MSR1: variants seen among roughly 807,000 people sequenced by gnomAD.
MSR1 encodes the protein macrophage scavenger receptor types I and II.
MSR1 carries 53 observed loss-of-function variants against 47.2 expected under a neutral mutation model. That is an observed-to-expected ratio of 1.12 (90% CI 0.90 to 1.41). MSR1 has a LOEUF of 1.41. Among genes scored for constraint, MSR1 ranks in the 40% most tolerant of loss-of-function variants. MSR1 has a pLI of 0.00. For missense variants in MSR1, 786 were observed against 546.9 expected, an observed-to-expected ratio of 1.44 and a Z score of -4.36; for synonymous variants, 239 against 185.6, an observed-to-expected ratio of 1.29 and a Z score of -2.34.
At chr8:16,185,805 CGTA>C (rs1462523183) in intron 1 of MSR1, among the ~76,000 whole-genome samples, 1 of 146,058 alleles carries the variant, frequency 6.8e-6, no homozygotes, top group African/African-American at 2.5e-5. Context: ...AACAAAGAAT[CGTA>C]GGGAAAAAGT....
At position 16,186,301 on chromosome 8, in the gene MSR1, T is replaced by G; in HGVS notation, c.-5+6297A>C. 5 of 1,082,178 alleles carry G rather than the reference T, an allele frequency of 4.6e-6. No individual in the cohort carries two copies. The South Asian group carries it at 7.0e-5, about 15-fold the overall frequency. The allele number at this position is 1,082,178 out of a possible 1,614,324, so 67.0% of individuals were successfully genotyped here. On this transcript the variant is annotated intron_variant, in intron 1 of 9. Transcript: ENST00000262101. ...CCAGGGTCCAGTTTCTGTTCTGTTT[T>G]CTCTCCTATTTTCACTCCCTTGGTG...
intron 8 of MSR1, among the ~76,000 whole-genome samples, chr8:16,142,576 C>G (rs764473908): frequency 6.2e-4 from 95 of 152,216 alleles, no homozygotes; most frequent in Non-Finnish European, 1.2e-3. Context: ...CAACCATGCC[C>G]TACTTTGTCT....
chr8:16,165,417 T>C (rs958951997), intron 4 of MSR1, among the ~76,000 whole-genome samples: 3 of 152,146 alleles, frequency 2.0e-5, no homozygotes, highest in African/African-American at 7.2e-5. Context: ...TAATGTTTAT[T>C]AATTTTTCTT....
intron 4 of MSR1, among the ~76,000 whole-genome samples, chr8:16,166,953 A>T (rs957262983): frequency 6.6e-6 from 1 of 152,034 alleles, no homozygotes; most frequent in South Asian, 2.1e-4. Flanking sequence ...ACACACACAC[A>T]CACACACACA....
At chr8:16,177,729 G>C (rs749285884) in intron 2 of MSR1, among the ~76,000 whole-genome samples, 157 bp downstream of exon 2, 5 of 151,982 alleles carry the variant, frequency 3.3e-5, no homozygotes, top group Non-Finnish European at 7.4e-5. Flanking sequence ...TTTTATTTAA[G>C]CTTATTTTTA....
intron 1 of MSR1, chr8:16,186,038 T>A: frequency 2.4e-6 from 2 of 839,882 alleles, no homozygotes; most frequent in East Asian, 2.7e-5. Flanking sequence ...ACCTGCCACA[T>A]AGAATTTAAG....
chr8:16,152,569 C>T (rs1410463087), intron 6 of MSR1, among the ~76,000 whole-genome samples: 1 of 152,062 alleles, frequency 6.6e-6, no homozygotes, highest in Non-Finnish European at 1.5e-5. Flanking sequence ...CTTCAGTTCT[C>T]TCGAGGGCAT....
At chr8:16,158,930 A>T (rs1248766885) in intron 5 of MSR1, among the ~76,000 whole-genome samples, 79 of 107,758 alleles carry the variant, frequency 7.3e-4, no homozygotes, top group East Asian at 1.1e-3. Context: ...CCTTTGGTTA[A>T]TTTTTTTTTT....
chr8:16,168,811 T>C lies in MSR1; in HGVS notation c.277A>G (p.Ile93Val), dbSNP rs780725414. 4.3e-6 allele frequency: 7 copies of C among 1,613,940 alleles called. No homozygotes were observed. Among genetic ancestry groups the C allele is most frequent in the African/African-American group, 2.7e-5 (2 of 74,950 alleles). ...CCTTTTCCCGTGAGACTTTGAGTTA[T>C]ATCATTTGCATTAGTTGAACTAACT... ...CSVSSTNAND[I>V]TQSLTGKGND... Residue 93 changes from isoleucine (I) to valine (V), a missense_variant, in exon 4 of 10, where the codon ATA becomes GTA. Coordinates refer to ENST00000262101, the MANE Select transcript of MSR1 (RefSeq NM_138715.3).
chr8:16,150,179 T>C, intron 7 of MSR1, 52 bp downstream of exon 7: 1 of 441,868 alleles, frequency 2.3e-6, no homozygotes, highest in Non-Finnish European at 3.8e-6. Context: ...TATAAAATTA[T>C]CTGGTGTTTC....
chr8:16,122,843 C>CTTTTTTTTT (rs35560221), intron 8 of MSR1, among the ~76,000 whole-genome samples: 9 of 65,598 alleles, frequency 1.4e-4, no homozygotes, highest in East Asian at 4.7e-4. Context: ...TATTCAAATT[C>CTTTTTTTTT]TTTTTTTTTT....
At chr8:16,138,737 A>AG (rs1800452190) in intron 8 of MSR1, among the ~76,000 whole-genome samples, 1 of 152,256 alleles carries the variant, frequency 6.6e-6, no homozygotes, top group South Asian at 2.1e-4. Flanking sequence ...ACCAAGGAAA[A>AG]GGAGTTACAA....
chr8:16,139,029 G>A (rs898618615), intron 8 of MSR1, among the ~76,000 whole-genome samples: 1 of 152,086 alleles, frequency 6.6e-6, no homozygotes, highest in Non-Finnish European at 1.5e-5. Context: ...GACACCTTCT[G>A]CCCTCCGGCG....
intron 1 of MSR1, chr8:16,186,237 TTCC>T (rs1161770169): frequency 6.6e-6 from 10 of 1,524,804 alleles, no homozygotes; most frequent in African/African-American, 1.4e-5. Context: ...TTTCTGGGTA[TTCC>T]TCCTCATCTC....
At chr8:16,172,650 G>T (rs781539755) in intron 3 of MSR1, among the ~76,000 whole-genome samples, 4 of 151,890 alleles carry the variant, frequency 2.6e-5, no homozygotes, top group Non-Finnish European at 4.4e-5. Flanking sequence ...TTCAGCTAAA[G>T]AATTTTTAGT....
intron 5 of MSR1, among the ~76,000 whole-genome samples, chr8:16,161,139 T>A (rs1051762055): frequency 1.3e-5 from 2 of 150,626 alleles, no homozygotes; most frequent in African/African-American, 4.9e-5. Context: ...GTTGCTTGAA[T>A]TAGAGTAGTA....
At chr8:16,138,156 T>G (rs1358375297) in intron 8 of MSR1, among the ~76,000 whole-genome samples, 1 of 152,184 alleles carries the variant, frequency 6.6e-6, no homozygotes, top group Non-Finnish European at 1.5e-5. Context: ...GTTTGAGTTT[T>G]AGATAGGATA....
At chr8:16,179,747 G>A (rs1434322358) in intron 1 of MSR1, among the ~76,000 whole-genome samples, 1 of 94,508 alleles carries the variant, frequency 1.1e-5, no homozygotes, top group Non-Finnish European at 1.9e-5. Flanking sequence ...CAGGTATGGT[G>A]GCACCTGTAA....
rs150113259 is a variant in MSR1 at position 16,152,982 on chromosome 8, A to G, written c.898+2082T>C. On this transcript the variant is annotated intron_variant, in intron 6 of 9. Coordinates refer to ENST00000262101, the MANE Select transcript of MSR1 (RefSeq NM_138715.3). ...AATAGCCCTCTAAAATAAATTTGTT[A>G]TTATTTGGGGAATAAAGCATATTTA... Among the ~76,000 whole-genome samples, 1,068 of 152,182 alleles carry G rather than the reference A, an allele frequency of 7.0e-3. 14 individuals carry two copies. The highest frequency in any genetic ancestry group is 0.024 in the African/African-American group (983 of 41,550).
Sources: gnomAD v4.1 joint callset for allele counts (sites outside exome capture counted in the v4.1 genomes callset) on GRCh38, gnomAD v4.1.1 for gene constraint, MANE v1.5 for transcripts, NCBI Gene and HGNC (gene_info 2026-07-23, HGNC 2026-07-21) for gene names.